AMOTL1: variants seen among roughly 807,000 people sequenced by gnomAD.
The protein encoded by AMOTL1 is angiomotin like 1.
AMOTL1 carries 45 observed loss-of-function variants against 102.9 expected under a neutral mutation model. That is an observed-to-expected ratio of 0.44 (90% CI 0.34 to 0.56). AMOTL1 has a LOEUF of 0.56. AMOTL1 is among the 20% of genes least tolerant of loss of function. The pLI is 0.01. For synonymous variants in AMOTL1, 481 were observed against 484.7 expected, an observed-to-expected ratio of 0.99 and a Z score of 0.10; for missense variants, 1,114 against 1,225.6, an observed-to-expected ratio of 0.91 and a Z score of 1.36.
At chr11:94,840,076 A>G (rs993583341) in intron 6 of AMOTL1, among the ~76,000 whole-genome samples, 1 of 152,200 alleles carries the variant, frequency 6.6e-6, no homozygotes, top group African/African-American at 2.4e-5. Context: ...TGAGATCAGA[A>G]TAGAGCTTAG....
intron 7 of AMOTL1, among the ~76,000 whole-genome samples, 167 bp from the exon 8 acceptor site, chr11:94,853,766 A>T (rs1486891269): frequency 6.6e-6 from 1 of 152,136 alleles, no homozygotes; most frequent in East Asian, 1.9e-4. Flanking sequence ...TCTATGTGTA[A>T]ATCTTTTCTG....
intron 3 of AMOTL1, among the ~76,000 whole-genome samples, chr11:94,750,977 A>G (rs1450312793): frequency 2.6e-5 from 4 of 152,190 alleles, no homozygotes; most frequent in Non-Finnish European, 5.9e-5. Context: ...CAGAGAGGTT[A>G]AAGGATCTGC....
intron 6 of AMOTL1, among the ~76,000 whole-genome samples, chr11:94,843,925 C>T (rs999331028): frequency 1.3e-5 from 2 of 152,156 alleles, no homozygotes; most frequent in African/African-American, 2.4e-5. Context: ...ACCTCCAGTG[C>T]TGGACTTGGG....
Position 94,782,191 on chromosome 11 carries a change from G to A in AMOTL1, c.50-12820G>A, listed in dbSNP as rs573873015. ...TTGAAAGAACAACTGACAAACTGTG[G>A]TTATTCTGGCTTGGGCATTTGGTAG... On this transcript the variant is annotated intron_variant, in intron 1 of 12. Coordinates refer to ENST00000433060, the MANE Select transcript of AMOTL1 (RefSeq NM_130847.3). 7.9e-5 allele frequency among the ~76,000 whole-genome samples: 12 copies of A among 152,292 alleles called. No individual in the cohort carries two copies. The East Asian group carries it at 2.3e-3, about 29-fold the overall frequency.
chr11:94,866,181 C>A lies in AMOTL1; in HGVS notation c.2488+13C>A, dbSNP rs1400699142. On this transcript the variant is annotated intron_variant, in intron 11 of 12. Transcript: ENST00000433060. ...AAGGGGAGCATAGGTGAGCCCCACA[C>A]CTCTGTCAGACCATGATTGGAAAAG... The A allele has an allele frequency of 6.2e-7, 1 of 1,611,824 alleles. No individual in the cohort carries two copies. The highest frequency in any genetic ancestry group is 1.7e-5 in the Admixed American group (1 of 59,970).
rs1256061157 is a variant in AMOTL1 at position 94,871,375 on chromosome 11, A to G, written c.*580A>G. The G allele has an allele frequency of 2.0e-5, 3 of 152,224 alleles. No homozygotes were observed. The highest frequency in any genetic ancestry group is 4.4e-5 in the Non-Finnish European group (3 of 68,060). The allele number at this position is 152,224 out of a possible 1,614,324, so 9.4% of individuals were successfully genotyped here. On this transcript the variant is annotated 3_prime_UTR_variant, in exon 13 of 13. Coordinates refer to ENST00000433060, the MANE Select transcript of AMOTL1 (RefSeq NM_130847.3). ...CCTGTTTGGTTTGGATTTTCAAGAGATGATTGGGCTTCTTAGCTTTTCTGA... is the reference window on the plus strand; with the variant it reads ...CCTGTTTGGTTTGGATTTTCAAGAGGTGATTGGGCTTCTTAGCTTTTCTGA...
chr11:94,808,439 AT>A (rs981614889), intron 3 of AMOTL1, among the ~76,000 whole-genome samples: 38 of 151,632 alleles, frequency 2.5e-4, no homozygotes, highest in Non-Finnish European at 4.3e-4. Context: ...TTACCCATTG[AT>A]TTTTTTTCTT....
At chr11:94,858,693 CT>C (rs1362559638) in intron 8 of AMOTL1, among the ~76,000 whole-genome samples, 1 of 152,214 alleles carries the variant, frequency 6.6e-6, no homozygotes, top group African/African-American at 2.4e-5. Context: ...GACTGGGCCC[CT>C]AACCCTGAGA....
Position 94,869,487 on chromosome 11 carries a change from C to T in AMOTL1, c.2764+14C>T. 1 of 1,579,538 alleles carries T rather than the reference C, an allele frequency of 6.3e-7. No homozygotes were observed. The highest frequency in any genetic ancestry group is 2.3e-5 in the East Asian group (1 of 43,394). On this transcript the variant is annotated intron_variant, in intron 12 of 12. Coordinates refer to ENST00000433060, the MANE Select transcript of AMOTL1 (RefSeq NM_130847.3). ...CAGAGAAACTGGGTATGTGGGCTAC[C>T]CCACCTTGATGCCCCTGAAAACTGT...
At chr11:94,850,337 C>T in intron 7 of AMOTL1, 78 bp downstream of exon 7, 1 of 1,475,352 alleles carries the variant, frequency 6.8e-7, no homozygotes, top group East Asian at 2.5e-5. Flanking sequence ...TTTCCTAACC[C>T]ACCTACTTTA....
intron 7 of AMOTL1, among the ~76,000 whole-genome samples, chr11:94,851,233 AG>A (rs1377039491): frequency 2.0e-5 from 3 of 152,230 alleles, no homozygotes; most frequent in African/African-American, 4.8e-5. Flanking sequence ...GTTATGCCTA[AG>A]GGAGGCTGGG....
At position 94,768,408 on chromosome 11, in the gene AMOTL1, G is replaced by C; in HGVS notation, c.-104G>C. The C allele has an allele frequency of 6.5e-7, 1 of 1,529,042 alleles. No individual in the cohort carries two copies. The highest frequency in any genetic ancestry group is 2.5e-5 in the East Asian group (1 of 40,314). The allele number at this position is 1,529,042 out of a possible 1,614,324, so 94.7% of individuals were successfully genotyped here. On this transcript the variant is annotated 5_prime_UTR_variant, in exon 1 of 13. Transcript: ENST00000433060. ...AGCGGTTGTCGGGTTTGGGGCTGGAGGTGAAGCCCTGTGTGAATGGGGTTG... is the reference window on the plus strand; with the variant it reads ...AGCGGTTGTCGGGTTTGGGGCTGGACGTGAAGCCCTGTGTGAATGGGGTTG...
chr11:94,774,473 G>T (rs924463556), intron 1 of AMOTL1, among the ~76,000 whole-genome samples: 1 of 152,186 alleles, frequency 6.6e-6, no homozygotes, highest in Non-Finnish European at 1.5e-5. Flanking sequence ...TCACCAGGCC[G>T]TGTCTCAAAT....
At chr11:94,818,216 G>A (rs2135619010) in intron 3 of AMOTL1, among the ~76,000 whole-genome samples, 1 of 152,308 alleles carries the variant, frequency 6.6e-6, no homozygotes, top group South Asian at 2.1e-4. Context: ...AGGTTGACTT[G>A]TAGAGCCAAA....
intron 1 of AMOTL1, among the ~76,000 whole-genome samples, chr11:94,770,281 C>G (rs542931470): frequency 2.0e-5 from 3 of 152,222 alleles, no homozygotes; most frequent in African/African-American, 7.2e-5. Flanking sequence ...TTTGAAGGCT[C>G]TTTATGAGAA....
Position 94,768,463 on chromosome 11 carries a change from C to T in AMOTL1, c.-49C>T, listed in dbSNP as rs1449484502. On this transcript the variant is annotated 5_prime_UTR_variant, in exon 1 of 13. Transcript: ENST00000433060. ...TCCGGCGCCACTTCCCCGCGCTGCC[C>T]GGCAGCCGTCTTCCCCAGCCGAGGG... The T allele has an allele frequency of 1.9e-6, 3 of 1,560,294 alleles. No individual in the cohort carries two copies. Among genetic ancestry groups the T allele is most frequent in the African/African-American group, 2.7e-5 (2 of 73,428 alleles).
chr11:94,762,935 A>C (rs1950811945), intron 3 of AMOTL1, among the ~76,000 whole-genome samples: 1 of 152,212 alleles, frequency 6.6e-6, no homozygotes, highest in Non-Finnish European at 1.5e-5. Context: ...TCTATAACTT[A>C]ACGATCCCGC....
At chr11:94,845,123 T>C (rs1952382440) in intron 6 of AMOTL1, among the ~76,000 whole-genome samples, 1 of 152,202 alleles carries the variant, frequency 6.6e-6, no homozygotes, top group Non-Finnish European at 1.5e-5. Flanking sequence ...CTGAAGTGGC[T>C]AAGATGGTAG....
intron 1 of AMOTL1, among the ~76,000 whole-genome samples, chr11:94,718,900 T>G (rs1950134379): frequency 6.6e-6 from 1 of 151,986 alleles, no homozygotes; most frequent in Admixed American, 6.6e-5. Context: ...TAGCCTAATC[T>G]GTCTATAGTT....
Sources: gnomAD v4.1 joint callset for allele counts (sites outside exome capture counted in the v4.1 genomes callset) on GRCh38, gnomAD v4.1.1 for gene constraint, MANE v1.5 for transcripts, NCBI Gene and HGNC (gene_info 2026-07-23, HGNC 2026-07-21) for gene names.